The following CSGALNACT1 variants were observed in gnomAD, a reference collection of about 807,000 sequenced individuals.
CSGALNACT1 encodes the protein chondroitin sulfate N-acetylgalactosaminyltransferase 1.
CSGALNACT1 carries 52 observed loss-of-function variants against 51.0 expected under a neutral mutation model. The ratio of observed to expected loss-of-function variants is 1.02; its 90% CI spans 0.82 to 1.29. The LOEUF (loss-of-function observed/expected upper bound fraction) is 1.29, where lower values mean the gene tolerates loss of function less well. Ranked by LOEUF, CSGALNACT1 falls within the 50% of genes most tolerant of loss-of-function variation. The pLI is 0.00. For missense variants in CSGALNACT1, 935 were observed against 679.2 expected (o/e 1.38, Z -4.19); for synonymous variants, 341 against 254.4 (o/e 1.34, Z -3.24).
intron 5 of CSGALNACT1, among the ~76,000 whole-genome samples, chr8:19,443,733 G>A (rs957926117): frequency 6.6e-6 from 1 of 152,192 alleles, no homozygotes; most frequent in Admixed American, 6.5e-5. Context: ...TGGGGATATA[G>A]CTAAACCATA....
At chr8:19,581,715 T>TACAGAGTATCAGCA (rs2045611939) in intron 3 of CSGALNACT1, among the ~76,000 whole-genome samples, 1 of 152,218 alleles carries the variant, frequency 6.6e-6, no homozygotes, top group Non-Finnish European at 1.5e-5. Context: ...ATACATCAGC[T>TACAGAGTATCAGCA]ACAGAGTATC....
chr8:19,458,498 T>C, exon 5 of CSGALNACT1: 1 of 1,614,202 alleles, frequency 6.2e-7, no homozygotes, highest in South Asian at 1.1e-5. Context: ...GATAAGCGTG[T>C]TGGCCATGTT....
intron 3 of CSGALNACT1, among the ~76,000 whole-genome samples, chr8:19,524,806 C>T (rs1190697130): frequency 1.3e-5 from 2 of 152,098 alleles, no homozygotes; most frequent in Admixed American, 6.6e-5. Flanking sequence ...CGCTCAATGA[C>T]AGAACAGACA....
chr8:19,627,001 T>A (rs1051978900), intron 1 of CSGALNACT1, among the ~76,000 whole-genome samples: 1 of 152,182 alleles, frequency 6.6e-6, no homozygotes, highest in African/African-American at 2.4e-5. Flanking sequence ...TGACAGTTTT[T>A]TAAAAAGTTA....
In CSGALNACT1 at chr8:19,631,594, A is replaced by T. The variant is rs1396762709; in HGVS notation, c.-543-29729T>A. Among the ~76,000 whole-genome samples the T allele has an allele frequency of 4.6e-5, 7 of 152,260 alleles. 1 individual carries two copies. On this transcript the variant is annotated intron_variant, in intron 1 of 9. Transcript: ENST00000332246. ...ACTACTAATTCCTATTGCTGAAGGA[A>T]AGGCTGATATTACTTACTACCCAAA...
intron 3 of CSGALNACT1, among the ~76,000 whole-genome samples, chr8:19,530,371 A>T (rs928460976): frequency 2.0e-5 from 3 of 152,070 alleles, no homozygotes; most frequent in African/African-American, 7.2e-5. Context: ...ATGAGTGTGT[A>T]TGTGTATATA....
intron 4 of CSGALNACT1, among the ~76,000 whole-genome samples, chr8:19,471,426 C>G (rs1046757325): frequency 6.6e-6 from 1 of 152,138 alleles, no homozygotes; most frequent in Non-Finnish European, 1.5e-5. Flanking sequence ...CAGGTACCCA[C>G]TTGGGTCTCT....
At chr8:19,570,865 G>A (rs7459960) in intron 3 of CSGALNACT1, among the ~76,000 whole-genome samples, 4,579 of 152,204 alleles carry the variant, frequency 0.03, 228 homozygotes, top group African/African-American at 0.11. Flanking sequence ...CCGAGATCAC[G>A]CTATTGCATA....
At chr8:19,506,871 C>A (rs924009100) in intron 3 of CSGALNACT1, among the ~76,000 whole-genome samples, 4 of 152,326 alleles carry the variant, frequency 2.6e-5, no homozygotes, top group African/African-American at 9.6e-5. Flanking sequence ...AACTGTGAGC[C>A]AGATAAACCT....
chr8:19,564,791 T>C (rs1588416383), intron 3 of CSGALNACT1, among the ~76,000 whole-genome samples: 2 of 152,210 alleles, frequency 1.3e-5, no homozygotes, highest in South Asian at 2.1e-4. Context: ...TTTCTGTGGT[T>C]TTTTAATTGG....
chr8:19,612,631 A>G (rs1297251981), intron 1 of CSGALNACT1, among the ~76,000 whole-genome samples: 1 of 151,954 alleles, frequency 6.6e-6, no homozygotes, highest in Non-Finnish European at 1.5e-5. Context: ...AAGGAGTGAA[A>G]AGGAGGCAGC....
At chr8:19,421,154 C>T (rs942467084) in intron 6 of CSGALNACT1, among the ~76,000 whole-genome samples, 4 of 152,202 alleles carry the variant, frequency 2.6e-5, no homozygotes, top group Admixed American at 6.5e-5. Context: ...CTTCCTGAAC[C>T]TCAGTTGCCT....
intron 1 of CSGALNACT1, among the ~76,000 whole-genome samples, chr8:19,674,413 G>A (rs2060017475): frequency 6.6e-6 from 1 of 152,184 alleles, no homozygotes; most frequent in African/African-American, 2.4e-5. Flanking sequence ...AGATAATCCT[G>A]CAGATATGGT....
chr8:19,519,834 C>A (rs1340822320), intron 3 of CSGALNACT1, among the ~76,000 whole-genome samples: 1 of 152,214 alleles, frequency 6.6e-6, no homozygotes, highest in Non-Finnish European at 1.5e-5. Context: ...TTGGCACCAG[C>A]CAGCATGATG....
exon 4 of CSGALNACT1, chr8:19,506,086 T>C: frequency 4.6e-6 from 3 of 657,316 alleles, no homozygotes; most frequent in South Asian, 4.5e-5. Context: ...TCACCTTCAT[T>C]CCCATCACAG....
At chr8:19,513,199 A>G (rs1563831729) in intron 3 of CSGALNACT1, among the ~76,000 whole-genome samples, 2 of 151,996 alleles carry the variant, frequency 1.3e-5, no homozygotes, top group Admixed American at 6.6e-5. Context: ...AAGACCATGC[A>G]CTAGACACTG....
intron 4 of CSGALNACT1, among the ~76,000 whole-genome samples, chr8:19,467,349 C>T (rs532520488): frequency 6.6e-5 from 10 of 152,046 alleles, no homozygotes; most frequent in African/African-American, 1.7e-4. Context: ...TCTCCATCTC[C>T]GGACCTCATG....
chr8:19,681,706 A>T (rs2060632354), intron 1 of CSGALNACT1, among the ~76,000 whole-genome samples: 1 of 152,124 alleles, frequency 6.6e-6, no homozygotes, highest in African/African-American at 2.4e-5. Flanking sequence ...CCAAGTTCCC[A>T]CTTGCTCCCT....
intron 1 of CSGALNACT1, among the ~76,000 whole-genome samples, chr8:19,707,603 T>C (rs1159993330): frequency 6.6e-6 from 1 of 152,088 alleles, no homozygotes; most frequent in Admixed American, 6.5e-5. Flanking sequence ...CCAATCAGGG[T>C]ATTAAATCAC....
Sources: gnomAD v4.1 joint callset for allele counts (sites outside exome capture counted in the v4.1 genomes callset) on GRCh38, gnomAD v4.1.1 for gene constraint, MANE v1.5 for transcripts, NCBI Gene and HGNC (gene_info 2026-07-23, HGNC 2026-07-21) for gene names.